GRHL2: variants seen among roughly 807,000 people sequenced by gnomAD.
GRHL2 encodes grainyhead like transcription factor 2, also known as grainyhead-like protein 2 homolog.
A neutral mutation model predicts 83.8 loss-of-function variants in GRHL2; 21 were observed. The observed-to-expected ratio is 0.25, with a 90% CI of 0.18 to 0.36. The LOEUF (loss-of-function observed/expected upper bound fraction) is 0.36, where lower values mean the gene tolerates loss of function less well. Ranked by LOEUF, GRHL2 falls within the 10% of genes least tolerant of loss-of-function variation. The probability of loss-of-function intolerance (pLI) is 1.00; values close to 1 mark genes in which losing one functional copy is unlikely to be tolerated. For synonymous variants in GRHL2, 280 were observed against 278.9 expected (o/e 1.00, Z -0.04); for missense variants, 623 against 781.8 (o/e 0.80, Z 2.42).
chr8:101,671,944 G>C (rs900700804), downstream of GRHL2, among the ~76,000 whole-genome samples: 14 of 152,114 alleles, frequency 9.2e-5, no homozygotes, highest in African/African-American at 2.4e-4. Context: ...AGGCAAACAG[G>C]GTCTGGAGTG....
intron 14 of GRHL2, among the ~76,000 whole-genome samples, chr8:101,659,762 G>A (rs1027989865): frequency 1.3e-5 from 2 of 152,172 alleles, no homozygotes; most frequent in Admixed American, 6.5e-5. Context: ...ACGGCGTTTT[G>A]GGGGAGGAGT....
intron 1 of GRHL2, among the ~76,000 whole-genome samples, chr8:101,495,874 C>T (rs1354109310): frequency 1.3e-5 from 2 of 152,062 alleles, no homozygotes; most frequent in Non-Finnish European, 2.9e-5. Flanking sequence ...AGGGGCCAGG[C>T]GCGGCGGCTC....
At position 101,666,894 on chromosome 8, in the gene GRHL2, C is replaced by A. The variant is rs998842753; in HGVS notation, c.*191C>A. On this transcript the variant is annotated 3_prime_UTR_variant, in exon 16 of 16. Coordinates refer to ENST00000646743, the MANE Select transcript of GRHL2 (RefSeq NM_024915.4). ...GCTTGGCCCATCCACTGGCACCTAC[C>A]ACGGAGCTGAAGCCTGAGCCCCTCA... 2 of 647,548 alleles carry A rather than the reference C, an allele frequency of 3.1e-6. No homozygotes were observed. The allele number at this position is 647,548 out of a possible 1,614,324, so 40.1% of individuals were successfully genotyped here.
chr8:101,632,095 G>A (rs1313668354), intron 10 of GRHL2, 131 bp from the exon 11 acceptor site: 10 of 970,378 alleles, frequency 1.0e-5, no homozygotes, highest in Middle Eastern at 2.5e-4. Flanking sequence ...GGTGGGAGGT[G>A]TTGAAGTGTG....
intron 2 of GRHL2, among the ~76,000 whole-genome samples, chr8:101,551,779 G>A (rs1811384207): frequency 6.7e-6 from 1 of 149,882 alleles, no homozygotes; most frequent in South Asian, 2.2e-4. Flanking sequence ...GAGCTGGTGG[G>A]ATGGCCCTTC....
At chr8:101,604,519 A>T (rs1011865072) in intron 8 of GRHL2, among the ~76,000 whole-genome samples, 1 of 152,180 alleles carries the variant, frequency 6.6e-6, no homozygotes, top group Non-Finnish European at 1.5e-5. Flanking sequence ...CTGTCATGTG[A>T]CCACAGAGAA....
At chr8:101,574,025 G>A (rs753665322) in intron 6 of GRHL2, among the ~76,000 whole-genome samples, 12 of 152,232 alleles carry the variant, frequency 7.9e-5, no homozygotes, top group Non-Finnish European at 1.5e-5. Context: ...CCCCAGGGAA[G>A]GGACATGGTT....
intron 4 of GRHL2, among the ~76,000 whole-genome samples, chr8:101,566,058 G>A (rs1811710799): frequency 6.6e-6 from 1 of 152,068 alleles, no homozygotes; most frequent in African/African-American, 2.4e-5. Flanking sequence ...CACATTTAAA[G>A]GACAAAATCT....
chr8:101,501,379 T>C (rs927185234), intron 1 of GRHL2, among the ~76,000 whole-genome samples: 1 of 152,216 alleles, frequency 6.6e-6, no homozygotes, highest in Non-Finnish European at 1.5e-5. Context: ...CAGCCTTTCA[T>C]CTGAACTCTG....
chr8:101,552,918 C>A, intron 3 of GRHL2, 136 bp downstream of exon 3: 2 of 834,938 alleles, frequency 2.4e-6, no homozygotes, highest in Non-Finnish European at 3.9e-6. Flanking sequence ...GAGTCTGGAC[C>A]AATGCTAGAT....
chr8:101,616,240 G>C (rs899742799), intron 8 of GRHL2, among the ~76,000 whole-genome samples: 1 of 150,458 alleles, frequency 6.6e-6, no homozygotes, highest in South Asian at 2.1e-4. Context: ...GCATGATCTC[G>C]GCTCACTGCA....
chr8:101,582,725 C>T lies in GRHL2; in HGVS notation c.1003+5206C>T, dbSNP rs143888643. ...CCTCTGCGACCACCCACCTCAGCGT[C>T]TTTGCAGAGGAACGTCACTAAGCCA... On this transcript the variant is annotated intron_variant, in intron 7 of 15. Coordinates refer to ENST00000646743, the MANE Select transcript of GRHL2 (RefSeq NM_024915.4). Among the ~76,000 whole-genome samples the T allele has an allele frequency of 3.9e-5, 6 of 152,334 alleles. No individual in the cohort carries two copies. The South Asian group carries it at 1.0e-3, about 26-fold the overall frequency.
intron 14 of GRHL2, among the ~76,000 whole-genome samples, chr8:101,660,548 T>C (rs960042779): frequency 6.6e-6 from 1 of 152,244 alleles, no homozygotes; most frequent in African/African-American, 2.4e-5. Context: ...TTTATTCTCA[T>C]TTGGTGTAAT....
chr8:101,569,154 T>C (rs903005106), intron 4 of GRHL2, among the ~76,000 whole-genome samples: 1 of 152,200 alleles, frequency 6.6e-6, no homozygotes, highest in Admixed American at 6.5e-5. Flanking sequence ...GAAATGCTTT[T>C]TCATCAGTAT....
chr8:101,593,505 G>A (rs886205363), intron 7 of GRHL2, among the ~76,000 whole-genome samples: 3 of 152,028 alleles, frequency 2.0e-5, no homozygotes, highest in Non-Finnish European at 4.4e-5. Flanking sequence ...GTTTAAAGCG[G>A]GGTGATTATT....
chr8:101,651,862 T>A (rs959354174), intron 14 of GRHL2, among the ~76,000 whole-genome samples: 11 of 152,210 alleles, frequency 7.2e-5, no homozygotes, highest in Admixed American at 5.9e-4. Context: ...AAAGGTTTCA[T>A]TGAAGCACCA....
chr8:101,631,761 C>A, intron 10 of GRHL2, 37 bp downstream of exon 10: 1 of 1,545,172 alleles, frequency 6.5e-7, no homozygotes, highest in Non-Finnish European at 8.9e-7. Flanking sequence ...TTTCTAAAGA[C>A]TCCAGGTGGG....
At position 101,657,827 on chromosome 8, in the gene GRHL2, G is replaced by A. The variant is rs1351954626; in HGVS notation, c.1699-6627G>A. 2.5e-4 allele frequency among the ~76,000 whole-genome samples: 26 copies of A among 102,610 alleles called. No individual in the cohort carries two copies. The South Asian group carries it at 3.7e-3, about 14-fold the overall frequency. The allele number at this position is 102,610 out of a possible 152,430, so 67.3% of individuals were successfully genotyped here. A position where few individuals can be genotyped will look rare whatever the true frequency, so the allele number is the denominator to read the frequency against. ...TGCACTCTAGCCTGGGCGACAGAGCGAAACAAAAAAAAAAAAGACAGAAAA... is the reference window on the plus strand; with the variant it reads ...TGCACTCTAGCCTGGGCGACAGAGCAAAACAAAAAAAAAAAAGACAGAAAA... On this transcript the variant is annotated intron_variant, in intron 14 of 15. Coordinates refer to ENST00000646743, the MANE Select transcript of GRHL2 (RefSeq NM_024915.4).
chr8:101,509,946 T>C (rs1810430178), intron 1 of GRHL2, among the ~76,000 whole-genome samples: 1 of 152,132 alleles, frequency 6.6e-6, no homozygotes. Flanking sequence ...CTTAAGTAAA[T>C]GAAGGGTAAT....
Sources: gnomAD v4.1 joint callset for allele counts (sites outside exome capture counted in the v4.1 genomes callset) on GRCh38, gnomAD v4.1.1 for gene constraint, MANE v1.5 for transcripts, NCBI Gene and HGNC (gene_info 2026-07-23, HGNC 2026-07-21) for gene names.